Variants in LRP1B observed in about 807,000 individuals in gnomAD.
LRP1B encodes low-density lipoprotein receptor-related protein 1B.
A neutral mutation model predicts 556.6 loss-of-function variants in LRP1B; 217 were observed. That is an observed-to-expected ratio of 0.39 (90% confidence interval 0.35 to 0.44). The LOEUF (loss-of-function observed/expected upper bound fraction) is 0.44. Among genes scored for constraint, LRP1B ranks in the 20% least tolerant of loss-of-function variants. The pLI is 1.00. For missense variants in LRP1B, 5,053 were observed against 5,620.8 expected (o/e 0.90, Z 3.23); for synonymous variants, 2,047 against 1,865.8 (o/e 1.10, Z -2.50).
intron 20 of LRP1B, among the ~76,000 whole-genome samples, chr2:140,923,854 C>T (rs1694811684): frequency 6.6e-6 from 1 of 151,880 alleles, no homozygotes; most frequent in African/African-American, 2.4e-5. Flanking sequence ...ATAAATTCTG[C>T]AGGTAAACAT....
chr2:141,625,334 A>G (rs1211557946), intron 2 of LRP1B, among the ~76,000 whole-genome samples: 1 of 152,194 alleles, frequency 6.6e-6, no homozygotes, highest in Non-Finnish European at 1.5e-5. Context: ...ATGATAGGGT[A>G]TTTCAATTGC....
intron 2 of LRP1B, among the ~76,000 whole-genome samples, chr2:141,637,599 T>C (rs1478310481): frequency 6.6e-6 from 1 of 152,210 alleles, no homozygotes; most frequent in Non-Finnish European, 1.5e-5. Context: ...TATCTTCTCC[T>C]GGTTTGCACT....
intron 86 of LRP1B, among the ~76,000 whole-genome samples, chr2:140,256,710 G>T (rs543840967): frequency 6.6e-5 from 10 of 151,106 alleles, no homozygotes; most frequent in African/African-American, 2.4e-4. Context: ...CTTGTGATCC[G>T]CCTGCCTCAG....
intron 2 of LRP1B, among the ~76,000 whole-genome samples, chr2:141,484,753 G>T (rs1244874935): frequency 6.6e-6 from 1 of 151,902 alleles, no homozygotes; most frequent in Non-Finnish European, 1.5e-5. Context: ...CTCATGATTT[G>T]GCTCTCTGTT....
intron 2 of LRP1B, among the ~76,000 whole-genome samples, chr2:141,592,583 A>T (rs754674069): frequency 1.8e-4 from 27 of 152,284 alleles, no homozygotes; most frequent in Admixed American, 3.3e-4. Flanking sequence ...ACTCTCATTT[A>T]TCTAAAATGA....
At chr2:140,906,972 T>TAA (rs398060601) in intron 22 of LRP1B, among the ~76,000 whole-genome samples, 28,393 of 142,610 alleles carry the variant, frequency 0.2, 3,250 homozygotes, top group Non-Finnish European at 0.26. Context: ...CCACATATGG[T>TAA]AAAAAAAAAA....
At chr2:141,101,612 TTGAA>T (rs1408784126) in intron 7 of LRP1B, among the ~76,000 whole-genome samples, 2 of 152,144 alleles carry the variant, frequency 1.3e-5, no homozygotes, top group African/African-American at 2.4e-5. Context: ...AATTGTGTAT[TTGAA>T]TGAATGAGTG....
chr2:141,152,492 T>G (rs1701948690), intron 7 of LRP1B, among the ~76,000 whole-genome samples: 2 of 151,882 alleles, frequency 1.3e-5, no homozygotes, highest in African/African-American at 4.8e-5. Context: ...GGGTGAGGAA[T>G]GTAAACATGC....
At chr2:140,320,327 G>GA (rs753213374) in intron 82 of LRP1B, among the ~76,000 whole-genome samples, 2 of 152,084 alleles carry the variant, frequency 1.3e-5, no homozygotes, top group Non-Finnish European at 2.9e-5. Flanking sequence ...AATATAAAAT[G>GA]AAAGTACTAC....
intron 89 of LRP1B, among the ~76,000 whole-genome samples, chr2:140,235,981 T>A (rs772919451): frequency 2.6e-5 from 4 of 151,104 alleles, no homozygotes; most frequent in African/African-American, 9.7e-5. Context: ...GTGTAAAATA[T>A]GTATCATGTC....
At chr2:140,293,477 C>T (rs1043082728) in intron 84 of LRP1B, among the ~76,000 whole-genome samples, 6 of 152,134 alleles carry the variant, frequency 3.9e-5, no homozygotes. Context: ...GCATTTCAGA[C>T]CTCAGGACTT....
intron 41 of LRP1B, among the ~76,000 whole-genome samples, chr2:140,676,631 G>A (rs1222121934): frequency 6.6e-6 from 1 of 152,070 alleles, no homozygotes; most frequent in Non-Finnish European, 1.5e-5. Flanking sequence ...AAGAACAGGA[G>A]GAGAAATTGA....
chr2:141,624,635 A>T (rs961582049), intron 2 of LRP1B, among the ~76,000 whole-genome samples: 1 of 152,174 alleles, frequency 6.6e-6, no homozygotes, highest in East Asian at 1.9e-4. Context: ...ATGCCAACAG[A>T]TTAGCAGATT....
intron 2 of LRP1B, among the ~76,000 whole-genome samples, chr2:141,520,606 A>G (rs1281396054): frequency 6.6e-6 from 1 of 152,094 alleles, no homozygotes; most frequent in African/African-American, 2.4e-5. Context: ...GACTGCCTCA[A>G]CTGTGACGGC....
intron 7 of LRP1B, among the ~76,000 whole-genome samples, chr2:141,076,212 G>A (rs1426845498): frequency 6.6e-6 from 1 of 152,150 alleles, no homozygotes; most frequent in East Asian, 1.9e-4. Context: ...AGCTGGTGAA[G>A]GGAAACAACT....
intron 66 of LRP1B, among the ~76,000 whole-genome samples, chr2:140,438,646 G>T (rs575225651): frequency 1.3e-5 from 2 of 152,144 alleles, no homozygotes; most frequent in African/African-American, 2.4e-5. Context: ...ACTGTAAAAA[G>T]TTCACGTTCT....
chr2:140,673,948 T>TTTC (rs1268477699), intron 41 of LRP1B, among the ~76,000 whole-genome samples: 1 of 135,270 alleles, frequency 7.4e-6, no homozygotes, highest in East Asian at 2.7e-4. Context: ...TTTTTTCTTT[T>TTTC]TTTTTTTTTT....
At chr2:142,047,192 A>G (rs1449498) in intron 1 of LRP1B, among the ~76,000 whole-genome samples, 82,484 of 151,712 alleles carry the variant, frequency 0.54, 22,983 homozygotes, top group East Asian at 0.69. Flanking sequence ...TGCCATTTAC[A>G]TGGTAGTATA....
At chr2:140,849,395 ACAAAAAACAAAATC>A (rs1434417077) in intron 29 of LRP1B, among the ~76,000 whole-genome samples, 18 of 70,308 alleles carry the variant, frequency 2.6e-4, no homozygotes, top group East Asian at 1.9e-3. Context: ...AAAACAAAAA[ACAAAAAACAAAATC>A]CAAAAAAAAA....
Sources: gnomAD v4.1 joint callset for allele counts (sites outside exome capture counted in the v4.1 genomes callset) on GRCh38, gnomAD v4.1.1 for gene constraint, MANE v1.5 for transcripts, NCBI Gene and HGNC (gene_info 2026-07-23, HGNC 2026-07-21) for gene names.